RAB3IL1: variants seen among roughly 807,000 people sequenced by gnomAD.
The protein encoded by RAB3IL1 is RAB3A interacting protein like 1.
Under a neutral mutation model 49.2 loss-of-function variants are expected in RAB3IL1, and 37 were observed. The observed-to-expected ratio is 0.75, with a 90% CI of 0.58 to 0.99. The LOEUF (loss-of-function observed/expected upper bound fraction) is 0.99. RAB3IL1 is among the 50% of genes least tolerant of loss of function. The probability of loss-of-function intolerance (pLI) is 0.00; values close to 1 mark genes in which losing one functional copy is unlikely to be tolerated. For missense variants in RAB3IL1, 484 were observed against 513.0 expected, an observed-to-expected ratio of 0.94 and a Z score of 0.55; for synonymous variants, 193 against 213.9, an observed-to-expected ratio of 0.90 and a Z score of 0.85.
At chr11:61,902,615 G>T (rs1938977935) in intron 7 of RAB3IL1, 74 bp from the exon 8 acceptor site, 1 of 1,337,310 alleles carries the variant, frequency 7.5e-7, no homozygotes, top group Non-Finnish European at 1.0e-6. Context: ...ATACAGGGAA[G>T]ATGCAGCAGC....
At chr11:61,901,953 G>A (rs986529701) in intron 8 of RAB3IL1, among the ~76,000 whole-genome samples, 1 of 152,212 alleles carries the variant, frequency 6.6e-6, no homozygotes, top group South Asian at 2.1e-4. Flanking sequence ...GCAAACCACT[G>A]CCCTTGGCTT....
chr11:61,907,533 C>T (rs1485125420), intron 3 of RAB3IL1, 32 bp downstream of exon 3: 7 of 1,613,710 alleles, frequency 4.3e-6, no homozygotes, highest in Non-Finnish European at 5.9e-6. Flanking sequence ...ATGACCCATT[C>T]CCCAAGTTGT....
rs560890653 is a variant in RAB3IL1, at chr11:61,903,208, C to T, written c.900-667G>A. Among the ~76,000 whole-genome samples the T allele has an allele frequency of 2.6e-5, 4 of 152,092 alleles. No homozygotes were observed. In the East Asian group the frequency reaches 7.8e-4, roughly 30 times the overall value. Reference sequence around the variant, plus strand: ...TCGGCTCTCTCCTCCTCACCCTCTGCTTGGTCACCAAGTCCCCAGGCCAGG... The same window carrying T: ...TCGGCTCTCTCCTCCTCACCCTCTGTTTGGTCACCAAGTCCCCAGGCCAGG... On this transcript the variant is annotated intron_variant, in intron 7 of 9. Coordinates refer to ENST00000394836, the MANE Select transcript of RAB3IL1 (RefSeq NM_013401.4).
chr11:61,938,151 C>T, the RAB3IL1 span, among the ~76,000 whole-genome samples: 1 of 152,150 alleles, frequency 6.6e-6, no homozygotes, highest in South Asian at 2.1e-4. Context: ...TAATTCCAGC[C>T]CTTTGGTAGG....
chr11:61,928,454 C>T, the RAB3IL1 span, among the ~76,000 whole-genome samples: 1 of 151,990 alleles, frequency 6.6e-6, no homozygotes, highest in Non-Finnish European at 1.5e-5. Context: ...CCTCAAAATA[C>T]ACGGAACTAG....
the RAB3IL1 span, among the ~76,000 whole-genome samples, chr11:61,936,256 C>T: frequency 6.6e-6 from 1 of 152,028 alleles, no homozygotes; most frequent in Non-Finnish European, 1.5e-5. Flanking sequence ...AAATAATGGC[C>T]CAAAACTTCC....
chr11:61,941,810 C>T, the RAB3IL1 span, among the ~76,000 whole-genome samples: 1 of 152,112 alleles, frequency 6.6e-6, no homozygotes, highest in African/African-American at 2.4e-5. Flanking sequence ...CAAATATCCT[C>T]AACCAAATAC....
upstream of RAB3IL1, chr11:61,920,112 G>T: frequency 7.4e-7 from 1 of 1,347,244 alleles, no homozygotes; most frequent in Non-Finnish European, 9.6e-7. Context: ...GGGCGTAGCG[G>T]ACAGTCCCTG....
chr11:61,917,291 C>A, intron 1 of RAB3IL1, 66 bp downstream of exon 1: 2 of 1,352,842 alleles, frequency 1.5e-6, no homozygotes, highest in South Asian at 1.7e-5. Flanking sequence ...CCCCCGAAAT[C>A]CTCCCGTCCC....
chr11:61,917,459 C>T lies in RAB3IL1; in HGVS notation c.-92G>A. 8.6e-7 allele frequency: 1 copy of T among 1,164,716 alleles called. No individual in the cohort carries two copies. Among genetic ancestry groups the T allele is most frequent in the Non-Finnish European group, 1.1e-6 (1 of 946,184 alleles). 72.1% of individuals were successfully genotyped at this position (1,164,716 alleles called of 1,614,324 possible). ...CGCCCGCCGCCGACTCCGCCAGGGG[C>T]CGAGCCGCCCCACCGCCTGTCAGCC... On this transcript the variant is annotated 5_prime_UTR_variant, in exon 1 of 10. Transcript: ENST00000394836.
intron 1 of RAB3IL1, among the ~76,000 whole-genome samples, chr11:61,911,282 C>G (rs174479): frequency 0.17 from 26,441 of 152,170 alleles, 2,599 homozygotes; most frequent in South Asian, 0.41. Context: ...ACCCAGTAGC[C>G]ACCAACTCCC....
intron 1 of RAB3IL1, among the ~76,000 whole-genome samples, chr11:61,915,560 G>A (rs1939641760): frequency 6.6e-6 from 1 of 152,098 alleles, no homozygotes; most frequent in Non-Finnish European, 1.5e-5. Context: ...CACCCAGCCG[G>A]CACAAGACAC....
intron 2 of RAB3IL1, 43 bp downstream of exon 2, chr11:61,908,011 C>T (rs1301006495): frequency 6.4e-7 from 1 of 1,567,192 alleles, no homozygotes; most frequent in Non-Finnish European, 8.7e-7. Flanking sequence ...CCCAACCTGA[C>T]TTCTCCCCAC....
At chr11:61,918,185 A>G (rs1480167659), upstream of RAB3IL1, among the ~76,000 whole-genome samples, 1 of 147,738 alleles carries the variant, frequency 6.8e-6, no homozygotes, top group East Asian at 2.0e-4. Flanking sequence ...GTCTGGTCCC[A>G]CATCCTCCGT....
At chr11:61,942,821 G>A in the RAB3IL1 span, among the ~76,000 whole-genome samples, 1 of 152,142 alleles carries the variant, frequency 6.6e-6, no homozygotes, top group Non-Finnish European at 1.5e-5. Flanking sequence ...GAAGATGCAA[G>A]ACTTGTACAC....
upstream of RAB3IL1, among the ~76,000 whole-genome samples, chr11:61,918,684 A>G (rs779655643): frequency 2.6e-5 from 4 of 152,220 alleles, no homozygotes; most frequent in Non-Finnish European, 5.9e-5. Flanking sequence ...CCAGGGCACA[A>G]ATAGACAATG....
the RAB3IL1 span, among the ~76,000 whole-genome samples, chr11:61,940,312 A>G: frequency 6.6e-5 from 10 of 151,630 alleles, no homozygotes; most frequent in Non-Finnish European, 1.3e-4. Context: ...ATAGTGGCGC[A>G]TGCCTGTAAA....
chr11:61,916,342 T>A (rs566307336), intron 1 of RAB3IL1, among the ~76,000 whole-genome samples: 1 of 150,242 alleles, frequency 6.7e-6, no homozygotes, highest in East Asian at 1.9e-4. Flanking sequence ...CAAGACTCCG[T>A]CTCAAAAAAA....
At chr11:61,907,936 T>C in intron 2 of RAB3IL1, 118 bp downstream of exon 2, 1 of 1,439,890 alleles carries the variant, frequency 6.9e-7, no homozygotes, top group Non-Finnish European at 9.3e-7. Flanking sequence ...GCAGCTGGCC[T>C]CGGTGAGGGC....
Sources: allele counts gnomAD v4.1 joint callset (sites outside exome capture counted in the v4.1 genomes callset), GRCh38; gene constraint gnomAD v4.1.1; transcripts MANE v1.5; gene names NCBI Gene and HGNC (gene_info 2026-07-23, HGNC 2026-07-21).